The following ALDH1L1 variants were observed in gnomAD, a reference collection of about 807,000 sequenced individuals.
ALDH1L1 encodes the protein aldehyde dehydrogenase 1 family member L1.
A neutral mutation model predicts 101.1 loss-of-function variants in ALDH1L1; 68 were observed. That is an observed-to-expected ratio of 0.67 (90% CI 0.55 to 0.82). ALDH1L1 has a LOEUF of 0.82. Among genes scored for constraint, ALDH1L1 ranks in the 40% least tolerant of loss-of-function variants. ALDH1L1 has a pLI of 0.00. For missense variants in ALDH1L1, 1,087 were observed against 1,172.7 expected (o/e 0.93, Z 1.07); for synonymous variants, 486 against 470.8 (o/e 1.03, Z -0.42).
At chr3:126,195,414 C>T (rs1006381101) in intron 1 of ALDH1L1, among the ~76,000 whole-genome samples, 2 of 152,168 alleles carry the variant, frequency 1.3e-5, no homozygotes, top group Non-Finnish European at 2.9e-5. Flanking sequence ...ACACTCAACA[C>T]ATATATAACT....
rs765321748 is a variant in ALDH1L1 at position 126,131,366 on chromosome 3, TGGGAGCCTGGGC to T, written c.1623+6_1623+17del. ...CCAGTCTGCATGTGCTCACACTGGG[TGGGAGCCTGGGC>T]CCCACCTGGATCTTGTCACACCAGC... On this transcript the variant is annotated splice_donor_region_variant and intron_variant, in intron 13 of 22. Transcript: ENST00000393434. 1 of 1,582,344 alleles carries T rather than the reference TGGGAGCCTGGGC, an allele frequency of 6.3e-7. No homozygotes were observed. Among genetic ancestry groups the T allele is most frequent in the Non-Finnish European group, 8.6e-7 (1 of 1,156,132 alleles).
intron 1 of ALDH1L1, among the ~76,000 whole-genome samples, chr3:126,177,930 C>G (rs1265251864): frequency 6.6e-6 from 1 of 152,148 alleles, no homozygotes; most frequent in Non-Finnish European, 1.5e-5. Context: ...GTAATCCCAG[C>G]TACTCGAGAG....
chr3:126,158,939 G>A (rs896174876), intron 2 of ALDH1L1, among the ~76,000 whole-genome samples: 7 of 151,940 alleles, frequency 4.6e-5, no homozygotes, highest in South Asian at 2.1e-4. Flanking sequence ...TGCCATCCCC[G>A]TCACTGAGTT....
upstream of ALDH1L1, among the ~76,000 whole-genome samples, chr3:126,183,520 C>A (rs867183636): frequency 2.4e-4 from 36 of 152,244 alleles, no homozygotes; most frequent in Middle Eastern, 3.4e-3. Context: ...AGGGTGGAGC[C>A]AAGAGCGTGG....
rs536397187 is a variant in ALDH1L1, at chr3:126,178,573, CAT to C, written c.-24+1901_-24+1902del. Among the ~76,000 whole-genome samples the C allele has an allele frequency of 6.6e-5, 10 of 152,198 alleles. No individual in the cohort carries two copies. In the East Asian group the frequency reaches 1.9e-3, roughly 29 times the overall value. ...TAAATGAATCTAGCTCTATAGTTCA[CAT>C]CTTACTCTAAAATACAGTCCAATTG... On this transcript the variant is annotated intron_variant, in intron 1 of 22. Transcript: ENST00000393434.
At chr3:126,159,495 G>A (rs2080995442) in intron 2 of ALDH1L1, 4 of 456,596 alleles carry the variant, frequency 8.8e-6, no homozygotes, top group South Asian at 6.2e-5. Flanking sequence ...TAGAGCCTCT[G>A]GTGTGATGTT....
intron 9 of ALDH1L1, among the ~76,000 whole-genome samples, chr3:126,140,769 C>T (rs2080551127): frequency 6.6e-6 from 1 of 151,254 alleles, no homozygotes; most frequent in African/African-American, 2.4e-5. Context: ...AAGTAACAAC[C>T]CAGAAATAAC....
chr3:126,104,152 G>T (rs982375906), intron 22 of ALDH1L1: 6 of 472,368 alleles, frequency 1.3e-5, no homozygotes, highest in African/African-American at 1.2e-4. Context: ...GAGAGACTTG[G>T]CGTTACTGCC....
rs773452962 is a variant in ALDH1L1, at chr3:126,153,595, A to C, written c.721-14T>G. 1 of 1,607,932 alleles carries C rather than the reference A, an allele frequency of 6.2e-7. No homozygotes were observed. The highest frequency in any genetic ancestry group is 1.1e-5 in the South Asian group (1 of 90,162). On this transcript the variant is annotated splice_polypyrimidine_tract_variant and intron_variant, in intron 6 of 22. Coordinates refer to ENST00000393434, the MANE Select transcript of ALDH1L1 (RefSeq NM_012190.4). ...AAATGTCAGTTTCTGTCAAGGGGAG[A>C]AATATCAGAAGATGGTGGGTGAGAA...
chr3:126,112,628 C>A (rs925092348), intron 19 of ALDH1L1, among the ~76,000 whole-genome samples, 154 bp downstream of exon 19: 2 of 152,148 alleles, frequency 1.3e-5, no homozygotes, highest in African/African-American at 4.8e-5. Flanking sequence ...CAGCACAGCT[C>A]CCGCTGTGGG....
At chr3:126,193,028 G>A (rs573082997) in intron 1 of ALDH1L1, among the ~76,000 whole-genome samples, 1 of 152,334 alleles carries the variant, frequency 6.6e-6, no homozygotes, top group East Asian at 1.9e-4. Flanking sequence ...CAGTGTGTGA[G>A]TGGTTGAAGT....
intron 16 of ALDH1L1, among the ~76,000 whole-genome samples, chr3:126,120,606 G>A (rs567416189): frequency 2.7e-4 from 41 of 152,262 alleles, no homozygotes; most frequent in Non-Finnish European, 4.7e-4. Flanking sequence ...GACTTCGGGG[G>A]ATAATGAGGT....
intron 9 of ALDH1L1, among the ~76,000 whole-genome samples, chr3:126,144,140 G>GA (rs2080624520): frequency 6.6e-6 from 1 of 151,816 alleles, no homozygotes; most frequent in Non-Finnish European, 1.5e-5. Flanking sequence ...AATAAAATAA[G>GA]AATAAATTTA....
intron 16 of ALDH1L1, among the ~76,000 whole-genome samples, chr3:126,122,906 G>C (rs2080106324): frequency 6.6e-6 from 1 of 151,946 alleles, no homozygotes. Flanking sequence ...AGAAACAGAG[G>C]GAAAAAAGAC....
chr3:126,190,927 G>C (rs1454115506), intron 1 of ALDH1L1, among the ~76,000 whole-genome samples: 2 of 152,364 alleles, frequency 1.3e-5, no homozygotes, highest in East Asian at 3.9e-4. Context: ...AAAAAGCTCT[G>C]CAGGTTAGGC....
intron 16 of ALDH1L1, among the ~76,000 whole-genome samples, chr3:126,118,573 C>T (rs186621699): frequency 1.2e-3 from 181 of 152,218 alleles, no homozygotes; most frequent in African/African-American, 4.2e-3. Context: ...TGATAACCAT[C>T]TGTTTCTGAA....
At chr3:126,197,463 T>A (rs1379135713) in intron 1 of ALDH1L1, among the ~76,000 whole-genome samples, 1 of 152,132 alleles carries the variant, frequency 6.6e-6, no homozygotes, top group African/African-American at 2.4e-5. Flanking sequence ...CCCCCTGCAA[T>A]ATTACCATTT....
At chr3:126,114,299 T>C (rs1434835157) in intron 18 of ALDH1L1, among the ~76,000 whole-genome samples, 4 of 152,062 alleles carry the variant, frequency 2.6e-5, no homozygotes, top group South Asian at 2.1e-4. Context: ...TTATATGTAA[T>C]ACACACACAC....
chr3:126,156,297 C>T (rs1220158677), intron 4 of ALDH1L1: 4 of 151,486 alleles, frequency 2.6e-5, no homozygotes. Context: ...CAGGTAAGCT[C>T]CCTCTCTGTA....
Sources: gnomAD v4.1 joint callset for allele counts (sites outside exome capture counted in the v4.1 genomes callset) on GRCh38, gnomAD v4.1.1 for gene constraint, MANE v1.5 for transcripts, NCBI Gene and HGNC (gene_info 2026-07-23, HGNC 2026-07-21) for gene names.